PCDH15: variants seen among roughly 807,000 people sequenced by gnomAD.
PCDH15 encodes the protein protocadherin-15.
A neutral mutation model predicts 178.5 loss-of-function variants in PCDH15; 129 were observed. That is an observed-to-expected ratio of 0.72 (90% CI 0.63 to 0.84). The LOEUF (loss-of-function observed/expected upper bound fraction) is 0.84, where lower values mean the gene tolerates loss of function less well. PCDH15 is among the 40% of genes least tolerant of loss of function. The pLI is 0.00. For missense variants in PCDH15, 2,230 were observed against 2,099.9 expected (o/e 1.06, Z -1.21); for synonymous variants, 800 against 732.0 (o/e 1.09, Z -1.50).
At chr10:55,529,267 A>C (rs1270792827) in intron 2 of PCDH15, among the ~76,000 whole-genome samples, 1 of 152,006 alleles carries the variant, frequency 6.6e-6, no homozygotes, top group Non-Finnish European at 1.5e-5. Context: ...TTTTGTTGTC[A>C]TTGCTTCTGG....
intron 2 of PCDH15, among the ~76,000 whole-genome samples, chr10:55,489,902 GAACT>G (rs1361938031): frequency 2.0e-5 from 3 of 151,486 alleles, no homozygotes; most frequent in African/African-American, 7.3e-5. Context: ...TAAAGCAAAG[GAACT>G]TAGAAAGAAG....
chr10:54,913,907 T>G (rs2131837293), intron 2 of PCDH15, among the ~76,000 whole-genome samples: 1 of 152,308 alleles, frequency 6.6e-6, no homozygotes, highest in African/African-American at 2.4e-5. Flanking sequence ...ATGGGAACAT[T>G]TACCCAGTGC....
intron 8 of PCDH15, among the ~76,000 whole-genome samples, chr10:54,278,997 T>G (rs1334612148): frequency 1.3e-5 from 2 of 151,620 alleles, no homozygotes; most frequent in Non-Finnish European, 3.0e-5. Flanking sequence ...GAATTATACA[T>G]TTATGTACTA....
chr10:54,280,419 T>C (rs1488301359), intron 8 of PCDH15, among the ~76,000 whole-genome samples: 1 of 151,690 alleles, frequency 6.6e-6, no homozygotes, highest in Non-Finnish European at 1.5e-5. Flanking sequence ...CTCTACACCA[T>C]TACAGTCCTC....
At chr10:54,017,733 C>T (rs757511202) in intron 20 of PCDH15, among the ~76,000 whole-genome samples, 1 of 151,870 alleles carries the variant, frequency 6.6e-6, no homozygotes, top group Middle Eastern at 3.2e-3. Flanking sequence ...TATCCCAAAC[C>T]TCAGCATCAT....
chr10:54,864,302 C>A (rs1953897792), intron 3 of PCDH15, among the ~76,000 whole-genome samples: 1 of 151,890 alleles, frequency 6.6e-6, no homozygotes, highest in Admixed American at 6.6e-5. Context: ...AGAGAAGAGA[C>A]AATTAAGAGA....
chr10:54,513,241 GTTTATTTA>G lies in PCDH15; in HGVS notation c.157+14563_157+14570del, dbSNP rs201541722. Among the ~76,000 whole-genome samples the G allele has an allele frequency of 5.3e-3, 767 of 145,966 alleles. 6 individuals carry two copies. The highest frequency in any genetic ancestry group is 8.1e-3 in the Non-Finnish European group (538 of 66,600). Reference sequence around the variant, plus strand: ...CAAATATTCCATTTCATTTATTTTTGTTTATTTATTTATTTATTTATTTATTTATTTAT... The same window carrying G: ...CAAATATTCCATTTCATTTATTTTTGTTTATTTATTTATTTATTTATTTAT... On this transcript the variant is annotated intron_variant, in intron 3 of 37. Coordinates refer to ENST00000644397, the MANE Select transcript of PCDH15 (RefSeq NM_001384140.1).
At chr10:55,160,144 A>C (rs1374555011) in intron 2 of PCDH15, among the ~76,000 whole-genome samples, 2 of 151,966 alleles carry the variant, frequency 1.3e-5, no homozygotes, top group Non-Finnish European at 2.9e-5. Context: ...ATCAATGTAA[A>C]AATTTGTGCT....
At chr10:54,823,792 T>C (rs1468042455) in intron 3 of PCDH15, among the ~76,000 whole-genome samples, 1 of 152,114 alleles carries the variant, frequency 6.6e-6, no homozygotes, top group Non-Finnish European at 1.5e-5. Context: ...ATAATGGAAA[T>C]TGTTTATGAC....
chr10:54,436,410 A>G (rs11816482), intron 3 of PCDH15, among the ~76,000 whole-genome samples: 2 of 152,122 alleles, frequency 1.3e-5, no homozygotes, highest in African/African-American at 4.8e-5. Flanking sequence ...ATATGTTATT[A>G]ATGAACAAAA....
rs1042699684 is a variant in PCDH15 at position 54,338,708 on chromosome 10, A to AT, written c.594+7656dup. Among the ~76,000 whole-genome samples, 392 of 150,368 alleles carry AT rather than the reference A, an allele frequency of 2.6e-3. 5 individuals are homozygous for AT. The highest frequency in any genetic ancestry group is 8.6e-3 in the African/African-American group (353 of 41,098). On this transcript the variant is annotated intron_variant, in intron 6 of 37. Transcript: ENST00000644397. ...TTATGCATATTGCTTAAGTGTCTTCATTTTTTTTTTCTGAGTAGTAACAGT... is the reference window on the plus strand; with the variant it reads ...TTATGCATATTGCTTAAGTGTCTTCATTTTTTTTTTTCTGAGTAGTAACAGT...
chr10:55,143,829 T>TA (rs1309274836), intron 2 of PCDH15, among the ~76,000 whole-genome samples: 3 of 144,846 alleles, frequency 2.1e-5, no homozygotes, highest in African/African-American at 7.6e-5. Flanking sequence ...TGGGTACTAC[T>TA]ACAGGAGATA....
intron 15 of PCDH15, among the ~76,000 whole-genome samples, chr10:54,113,146 C>T (rs2095055005): frequency 6.6e-6 from 1 of 152,078 alleles, no homozygotes; most frequent in Non-Finnish European, 1.5e-5. Context: ...AGGAACTGGA[C>T]ATGTGTAGGC....
chr10:54,123,023 G>A (rs1017071859), intron 15 of PCDH15, among the ~76,000 whole-genome samples: 2 of 152,078 alleles, frequency 1.3e-5, no homozygotes, highest in Non-Finnish European at 2.9e-5. Context: ...ATTAACTCAA[G>A]ATGGCTTAAA....
intron 2 of PCDH15, among the ~76,000 whole-genome samples, chr10:54,613,132 G>A (rs554703106): frequency 1.3e-5 from 2 of 151,906 alleles, no homozygotes; most frequent in Non-Finnish European, 2.9e-5. Flanking sequence ...GGGAAACACG[G>A]CATTGCTATG....
intron 2 of PCDH15, among the ~76,000 whole-genome samples, chr10:55,529,969 C>G (rs1026291492): frequency 1.3e-5 from 2 of 150,822 alleles, no homozygotes; most frequent in African/African-American, 2.4e-5. Context: ...GAAATGTTAT[C>G]CAGAGTATTT....
intron 3 of PCDH15, among the ~76,000 whole-genome samples, chr10:54,834,797 C>G (rs1462559088): frequency 6.6e-6 from 1 of 152,092 alleles, no homozygotes; most frequent in Non-Finnish European, 1.5e-5. Context: ...CTTGTCCTGC[C>G]TATTTGTGAA....
chr10:54,036,994 T>G (rs1298393487), intron 18 of PCDH15, among the ~76,000 whole-genome samples: 1 of 151,872 alleles, frequency 6.6e-6, no homozygotes, highest in Non-Finnish European at 1.5e-5. Context: ...TTCAGTTGGA[T>G]GAAGGAATTG....
intron 3 of PCDH15, among the ~76,000 whole-genome samples, chr10:54,875,497 A>C (rs920643526): frequency 6.6e-6 from 1 of 152,174 alleles, no homozygotes; most frequent in Non-Finnish European, 1.5e-5. Flanking sequence ...AAATAGGACA[A>C]AATCTAGGTC....
Sources: allele counts gnomAD v4.1 joint callset (sites outside exome capture counted in the v4.1 genomes callset), GRCh38; gene constraint gnomAD v4.1.1; transcripts MANE v1.5; gene names NCBI Gene and HGNC (gene_info 2026-07-23, HGNC 2026-07-21).